CHAF1B: variants seen among roughly 807,000 people sequenced by gnomAD.
The protein encoded by CHAF1B is chromatin assembly factor 1 subunit B.
A neutral mutation model predicts 60.7 loss-of-function variants in CHAF1B; 10 were observed. The observed-to-expected ratio is 0.16, with a 90% CI of 0.10 to 0.28. The LOEUF (loss-of-function observed/expected upper bound fraction) is 0.28, where lower values mean the gene tolerates loss of function less well. Among genes scored for constraint, CHAF1B ranks in the 10% least tolerant of loss-of-function variants. The pLI is 1.00. For missense variants in CHAF1B, 558 were observed against 708.4 expected (o/e 0.79, Z 2.41); for synonymous variants, 261 against 266.1 (o/e 0.98, Z 0.19).
In CHAF1B at chr21:36,409,458, G is replaced by A. The variant is rs148060266; in HGVS notation, c.912G>A (p.Val304=). ...CPVYFELRPV[V]ETGVELMSLP... ...TCTACTTTGAACTGAGGCCAGTGGTGGAAACAGGTATCCTCAGAGCCTCAG... is the reference window on the plus strand; with the variant it reads ...TCTACTTTGAACTGAGGCCAGTGGTAGAAACAGGTATCCTCAGAGCCTCAG... The change falls in exon 10 of 14, where the codon GTG becomes GTA. Residue 304 remains valine, a synonymous_variant. Transcript: ENST00000314103. 47 of 1,612,298 alleles carry A rather than the reference G, an allele frequency of 2.9e-5. No individual in the cohort carries two copies. Among genetic ancestry groups the A allele is most frequent in the Non-Finnish European group, 3.9e-5 (46 of 1,178,662 alleles).
chr21:36,391,730 AC>A, intron 4 of CHAF1B, 62 bp downstream of exon 4: 1 of 1,071,346 alleles, frequency 9.3e-7, no homozygotes, highest in Non-Finnish European at 1.4e-6. Flanking sequence ...AATGGAATAT[AC>A]CTTTTGACTT....
At chr21:36,403,314 G>C (rs1242499924) in intron 8 of CHAF1B, among the ~76,000 whole-genome samples, 1 of 151,620 alleles carries the variant, frequency 6.6e-6, no homozygotes. Flanking sequence ...AAAAATTAAT[G>C]ATGTGGTGGC....
At chr21:36,407,781 C>T (rs2086249322) in intron 8 of CHAF1B, among the ~76,000 whole-genome samples, 1 of 152,018 alleles carries the variant, frequency 6.6e-6, no homozygotes, top group African/African-American at 2.4e-5. Flanking sequence ...AGTTCGAGAC[C>T]ACCCTGGCCA....
At chr21:36,396,778 C>T (rs77011471) in intron 5 of CHAF1B, among the ~76,000 whole-genome samples, 66 of 152,264 alleles carry the variant, frequency 4.3e-4, no homozygotes, top group Middle Eastern at 3.4e-3. Context: ...TTCGCATTGT[C>T]TGCTCTGGGC....
chr21:36,390,248 G>A (rs987305232), intron 3 of CHAF1B, among the ~76,000 whole-genome samples: 3 of 149,658 alleles, frequency 2.0e-5, no homozygotes, highest in Admixed American at 6.7e-5. Context: ...CAGGAGAATC[G>A]CCTGAACCCG....
Position 36,389,800 on chromosome 21 carries a change from T to TGTGCGCGCGCGCGCGC in CHAF1B, c.260-1750_260-1749insTGCGCGCGCGCGCGCG. Among the ~76,000 whole-genome samples, 184 of 124,770 alleles carry TGTGCGCGCGCGCGCGC rather than the reference T, an allele frequency of 1.5e-3. 1 individual carries two copies. The highest frequency in any genetic ancestry group is 6.0e-3 in the African/African-American group (170 of 28,416). The allele number at this position is 124,770 out of a possible 152,430, so 81.9% of individuals were successfully genotyped here. The stretch of plus-strand genomic sequence containing the variant: ...GTGTGTGTGTGTGTGTGTGTGTGTG[T>TGTGCGCGCGCGCGCGC]GCGCGCGCACGCTGATTTGTAGAGG... On this transcript the variant is annotated intron_variant, in intron 3 of 13. Transcript: ENST00000314103.
chr21:36,417,335 T>A lies in CHAF1B; in HGVS notation c.*969T>A, dbSNP rs2086327700. On this transcript the variant is annotated 3_prime_UTR_variant, in exon 14 of 14. Coordinates refer to ENST00000314103, the MANE Select transcript of CHAF1B (RefSeq NM_005441.3). ...GTATGTGTGTATATATATATTTTTT[T>A]TCTTTTTTTTTTGAGATGGAGTCTC... The A allele has an allele frequency of 6.6e-6, 1 of 151,562 alleles. No homozygotes were observed. The highest frequency in any genetic ancestry group is 2.4e-5 in the African/African-American group (1 of 41,290). 9.4% of individuals were successfully genotyped at this position (151,562 alleles called of 1,614,324 possible).
At chr21:36,413,527 G>A (rs1275645090) in intron 12 of CHAF1B, among the ~76,000 whole-genome samples, 1 of 152,156 alleles carries the variant, frequency 6.6e-6, no homozygotes, top group African/African-American at 2.4e-5. Flanking sequence ...ATAAAGCCCA[G>A]GCTCCTATGC....
At chr21:36,386,921 C>A (rs1361306158) in intron 2 of CHAF1B, among the ~76,000 whole-genome samples, 1 of 152,076 alleles carries the variant, frequency 6.6e-6, no homozygotes, top group Non-Finnish European at 1.5e-5. Context: ...ACCATGTTGG[C>A]CAGGCTGGTC....
chr21:36,393,077 C>A (rs913132402), intron 4 of CHAF1B, among the ~76,000 whole-genome samples: 1 of 152,202 alleles, frequency 6.6e-6, no homozygotes, highest in Non-Finnish European at 1.5e-5. Flanking sequence ...ACAGGCGTGG[C>A]GGCGTGCGCC....
chr21:36,411,208 G>T (rs546775148), intron 10 of CHAF1B, among the ~76,000 whole-genome samples: 1 of 151,792 alleles, frequency 6.6e-6, no homozygotes, highest in Admixed American at 6.6e-5. Context: ...CCGCCTCCTG[G>T]GTTCAAGCGA....
At position 36,413,202 on chromosome 21, in the gene CHAF1B, G is replaced by T. The variant is rs1402101952; in HGVS notation, c.1380G>T (p.Leu460Phe). 3 of 1,614,010 alleles carry T rather than the reference G, an allele frequency of 1.9e-6. No homozygotes were observed. In the East Asian group the frequency reaches 6.7e-5, roughly 36 times the overall value. The part of the protein sequence containing the change: ...PSITPAVKSP[L>F]PGPSEEKTLQ... ...TCACTCCTGCTGTCAAAAGCCCCTT[G>T]CCGGGGCCTTCGGAGGAGAAGACCC... The change falls in exon 12 of 14, where the codon TTG becomes TTT. Residue 460 changes from leucine (L) to phenylalanine (F), a missense_variant. By Grantham distance (22) the Leu-to-Phe change is conservative. This residue lies in a region of CHAF1B where 233 missense variants were observed against 214.9 expected (regional missense o/e 1.08). Transcript: ENST00000314103.
rs1300338638 is a variant in CHAF1B at position 36,413,025 on chromosome 21, C to T, written c.1203C>T (p.Thr401=). Residue 401 remains threonine, a synonymous_variant, in exon 12 of 14, where the codon ACC becomes ACT. Coordinates refer to ENST00000314103, the MANE Select transcript of CHAF1B (RefSeq NM_005441.3). ...GAACTCCTGATACAGCAAAGAAAACCAAGAGTCAGACACATCGAGGGTCTT... is the reference window on the plus strand; with the variant it reads ...GAACTCCTGATACAGCAAAGAAAACTAAGAGTCAGACACATCGAGGGTCTT... ...NMRTPDTAKK[T]KSQTHRGSSP... is the part of the protein sequence containing the mutation. 1 of 1,614,096 alleles carries T rather than the reference C, an allele frequency of 6.2e-7. No homozygotes were observed.
At chr21:36,409,855 G>GA (rs1555835867) in intron 10 of CHAF1B, among the ~76,000 whole-genome samples, 1 of 133,998 alleles carries the variant, frequency 7.5e-6, no homozygotes, top group African/African-American at 2.7e-5. Context: ...ATACATGTCA[G>GA]TTTTTTTTTT....
In CHAF1B at chr21:36,417,993, G is replaced by A. The variant is rs996433661; in HGVS notation, c.*1627G>A. ...CTTTCCCTGGATACGGTCTGTTCTG[G>A]TTAAATGCATTTCCACTGAAAGCAT... On this transcript the variant is annotated 3_prime_UTR_variant, in exon 14 of 14. Coordinates refer to ENST00000314103, the MANE Select transcript of CHAF1B (RefSeq NM_005441.3). 2 of 151,912 alleles carry A rather than the reference G, an allele frequency of 1.3e-5. No homozygotes were observed. The highest frequency in any genetic ancestry group is 2.9e-5 in the Non-Finnish European group (2 of 67,992). The allele number at this position is 151,912 out of a possible 1,614,324, so 9.4% of individuals were successfully genotyped here.
At chr21:36,387,843 A>T (rs1209663489) in intron 3 of CHAF1B, 113 bp downstream of exon 3, 26 of 1,274,288 alleles carry the variant, frequency 2.0e-5, no homozygotes, top group Non-Finnish European at 3.3e-6. Flanking sequence ...TTTGAGATAG[A>T]GTTTCACTCT....
intron 2 of CHAF1B, among the ~76,000 whole-genome samples, chr21:36,387,262 G>A (rs1186392947): frequency 1.4e-5 from 2 of 138,696 alleles, no homozygotes; most frequent in Admixed American, 7.7e-5. Flanking sequence ...TTACTCTGTC[G>A]CCCAGGCTGG....
rs1254328554 is a variant in CHAF1B at position 36,407,901 on chromosome 21, C to T, written c.758-860C>T. Among the ~76,000 whole-genome samples the T allele has an allele frequency of 2.0e-5, 3 of 151,828 alleles. No homozygotes were observed. In the East Asian group the frequency reaches 5.8e-4, roughly 29 times the overall value. Reference sequence around the variant, plus strand: ...GCTGAGGCAGGGGAATTGCTTGAATCTGGGAGGTGGAGGTTGCAGTGAGCC... The same window carrying T: ...GCTGAGGCAGGGGAATTGCTTGAATTTGGGAGGTGGAGGTTGCAGTGAGCC... On this transcript the variant is annotated intron_variant, in intron 8 of 13. Coordinates refer to ENST00000314103, the MANE Select transcript of CHAF1B (RefSeq NM_005441.3).
intron 5 of CHAF1B, among the ~76,000 whole-genome samples, chr21:36,395,886 C>G (rs2086133253): frequency 6.6e-6 from 1 of 152,170 alleles, no homozygotes; most frequent in African/African-American, 2.4e-5. Flanking sequence ...TGTTGGCTGC[C>G]ACCGCAGCAC....
Sources: gnomAD v4.1 joint callset for allele counts (sites outside exome capture counted in the v4.1 genomes callset) on GRCh38, gnomAD v4.1.1 for gene constraint, gnomAD v4.1.1 regional missense constraint, MANE v1.5 for transcripts, NCBI Gene and HGNC (gene_info 2026-07-23, HGNC 2026-07-21) for gene names.